The following MYO1H variants were observed in gnomAD, a reference collection of about 807,000 sequenced individuals.
MYO1H encodes the protein unconventional myosin-Ih.
A neutral mutation model predicts 149.3 loss-of-function variants in MYO1H; 118 were observed. The observed-to-expected ratio is 0.79, with a 90% CI of 0.68 to 0.92. The LOEUF is 0.92. MYO1H is among the 40% of genes least tolerant of loss of function. The pLI is 0.00. For synonymous variants in MYO1H, 447 were observed against 465.2 expected (o/e 0.96, Z 0.50); for missense variants, 1,212 against 1,280.7 (o/e 0.95, Z 0.82).
chr12:109,381,685 AATCCCAGCTACTTGGTTCATGCCTATG>A (rs994802663), intron 1 of MYO1H, among the ~76,000 whole-genome samples: 7 of 152,262 alleles, frequency 4.6e-5, no homozygotes, highest in African/African-American at 1.4e-4. Context: ...GCAAGCCTAT[AATCCCAGCTACTTGGTTCATGCCTATG>A]ATCCCAGCTA....
At chr12:109,332,111 AT>A in the MYO1H span, among the ~76,000 whole-genome samples, 10 of 152,198 alleles carry the variant, frequency 6.6e-5, no homozygotes, top group African/African-American at 2.2e-4. Flanking sequence ...CTGTACTGGG[AT>A]TTGCTATCTA....
chr12:109,333,017 A>G, the MYO1H span, among the ~76,000 whole-genome samples: 1 of 152,162 alleles, frequency 6.6e-6, no homozygotes, highest in African/African-American at 2.4e-5. Flanking sequence ...GGACTTGTTC[A>G]TTTAAAAAAC....
the MYO1H span, among the ~76,000 whole-genome samples, chr12:109,316,740 C>T: frequency 6.6e-6 from 1 of 152,106 alleles, no homozygotes; most frequent in African/African-American, 2.4e-5. Flanking sequence ...AAAAGACCCC[C>T]ACAACTTGGG....
intron 17 of MYO1H, 51 bp downstream of exon 17, chr12:109,424,879 T>A (rs567784670): frequency 6.9e-7 from 1 of 1,443,652 alleles, no homozygotes; most frequent in African/African-American, 1.4e-5. Flanking sequence ...GAGGGTGAGA[T>A]GACCACCAAC....
At position 109,415,738 on chromosome 12, in the gene MYO1H, G is replaced by A. The variant is rs563947754; in HGVS notation, c.1597+118G>A. 302 of 570,708 alleles carry A rather than the reference G, an allele frequency of 5.3e-4. 5 individuals carry two copies. The South Asian group carries it at 0.015, about 29-fold the overall frequency. 35.4% of individuals were successfully genotyped at this position (570,708 alleles called of 1,614,324 possible). On this transcript the variant is annotated intron_variant, in intron 15 of 31. Coordinates refer to ENST00000310903, the Ensembl canonical transcript of MYO1H. The stretch of plus-strand genomic sequence containing the variant: ...GCCATCCCAAACGTTCCCTAACCTC[G>A]CGTTCAAGCCATTTGAAAAAGTCTT...
chr12:109,387,040 G>A (rs1012056566), intron 1 of MYO1H, among the ~76,000 whole-genome samples: 10 of 134,880 alleles, frequency 7.4e-5, no homozygotes, highest in African/African-American at 2.8e-4. Flanking sequence ...GTGTGTGTGT[G>A]TAGTGTAGTG....
chr12:109,406,853 C>G, exon 9 of MYO1H: 1 of 1,613,800 alleles, frequency 6.2e-7, no homozygotes, highest in Middle Eastern at 1.6e-4. Flanking sequence ...GAAGCCAAAA[C>G]TGAGGAGGTA....
At chr12:109,401,661 G>A (rs141486186) in intron 6 of MYO1H, among the ~76,000 whole-genome samples, 1,787 of 152,208 alleles carry the variant, frequency 0.012, 15 homozygotes, top group Non-Finnish European at 0.017. Context: ...AGTGAGGAGC[G>A]CTGATCTGGA....
chr12:109,406,092 G>A (rs71456691), intron 8 of MYO1H, 57 bp downstream of exon 8: 229 of 1,294,210 alleles, frequency 1.8e-4, no homozygotes, highest in Non-Finnish European at 2.4e-4. Flanking sequence ...AGAGAAGAGC[G>A]AGGTAGCTGG....
chr12:109,432,202 C>A (rs1182199971), intron 19 of MYO1H, among the ~76,000 whole-genome samples: 2 of 151,994 alleles, frequency 1.3e-5, no homozygotes, highest in Non-Finnish European at 2.9e-5. Context: ...GACAGGGTTT[C>A]ACCATGTTAG....
At chr12:109,374,266 G>C (rs1194489888) in intron 1 of MYO1H, among the ~76,000 whole-genome samples, 1 of 152,156 alleles carries the variant, frequency 6.6e-6, no homozygotes, top group East Asian at 1.9e-4. Flanking sequence ...ATGGATTCTG[G>C]AGTCAGGCTG....
chr12:109,432,961 CG>C lies in MYO1H; in HGVS notation c.2016del (p.Leu673Ter), dbSNP rs762732308. ...CGGGCCTCCAGCAGAGGGCGTGGAA[CG>C]GCTGATCAAGTACATCGGCTACAAA... On this transcript the variant is annotated frameshift_variant, in exon 20 of 32. Transcript: ENST00000310903. LOFTEE classifies it high-confidence loss of function. 1.3e-5 allele frequency: 21 copies of C among 1,613,876 alleles called. No homozygotes were observed. In the African/African-American group the frequency reaches 2.7e-4, roughly 21 times the overall value.
At chr12:109,417,957 A>G (rs1248013724) in intron 15 of MYO1H, among the ~76,000 whole-genome samples, 1 of 151,474 alleles carries the variant, frequency 6.6e-6, no homozygotes, top group Non-Finnish European at 1.5e-5. Flanking sequence ...CTGGGACTAC[A>G]GGCGCCCGCC....
At chr12:109,347,759 G>C (rs1429238163), upstream of MYO1H, 2 of 390,860 alleles carry the variant, frequency 5.1e-6, no homozygotes, top group Non-Finnish European at 9.0e-6. Flanking sequence ...GAGCAGCCCG[G>C]TGTGCCTACA....
chr12:109,313,914 C>T, the MYO1H span, among the ~76,000 whole-genome samples: 4 of 151,892 alleles, frequency 2.6e-5, no homozygotes, highest in East Asian at 1.9e-4. Flanking sequence ...GACGGAGTTT[C>T]GCTCTTTTTC....
rs186650341 is a variant in MYO1H, at chr12:109,403,459, C to T, written c.751-523C>T. Among the ~76,000 whole-genome samples the T allele has an allele frequency of 9.2e-5, 14 of 152,282 alleles. No homozygotes were observed. The East Asian group carries it at 2.5e-3, about 27-fold the overall frequency. On this transcript the variant is annotated intron_variant, in intron 6 of 31. Coordinates refer to ENST00000310903, the Ensembl canonical transcript of MYO1H. The stretch of plus-strand genomic sequence containing the variant: ...AATCAGTCTGTTATTTAAAAGACAA[C>T]TTCTGGAGTTCATGGGGAAAATCTC...
the MYO1H span, among the ~76,000 whole-genome samples, chr12:109,316,010 A>T: frequency 1.3e-5 from 2 of 152,150 alleles, no homozygotes; most frequent in Non-Finnish European, 2.9e-5. Flanking sequence ...AAATAAGTAT[A>T]TTCTTCTTTG....
chr12:109,317,643 C>A, the MYO1H span, among the ~76,000 whole-genome samples: 1 of 152,148 alleles, frequency 6.6e-6, no homozygotes, highest in Non-Finnish European at 1.5e-5. Flanking sequence ...GGCAATGTTG[C>A]ACCTGAATGT....
intron 24 of MYO1H, chr12:109,440,437 CGGGG>C (rs1872070039): frequency 9.7e-6 from 3 of 309,152 alleles, no homozygotes; most frequent in African/African-American, 6.6e-5. Context: ...AACTTAGAGG[CGGGG>C]CTGTTGTAAG....
Sources: gnomAD v4.1 joint callset for allele counts (sites outside exome capture counted in the v4.1 genomes callset) on GRCh38, gnomAD v4.1.1 for gene constraint, MANE v1.5 for transcripts, NCBI Gene and HGNC (gene_info 2026-07-23, HGNC 2026-07-21) for gene names.